Variants in ERCC6 observed in about 807,000 individuals in gnomAD.
ERCC6 encodes DNA excision repair protein ERCC-6.
ERCC6 carries 116 observed loss-of-function variants against 158.7 expected under a neutral mutation model. That is an observed-to-expected ratio of 0.73 (90% confidence interval 0.63 to 0.85). The LOEUF is 0.85. ERCC6 is among the 40% of genes least tolerant of loss of function. The probability of loss-of-function intolerance (pLI) is 0.00; values close to 1 mark genes in which losing one functional copy is unlikely to be tolerated. For synonymous variants in ERCC6, 678 were observed against 659.3 expected (o/e 1.03, Z -0.43); for missense variants, 1,698 against 1,799.4 (o/e 0.94, Z 1.02).
At chr10:49,483,859 T>C (rs893351005) in intron 8 of ERCC6, among the ~76,000 whole-genome samples, 16 of 152,038 alleles carry the variant, frequency 1.1e-4, no homozygotes, top group African/African-American at 3.1e-4. Context: ...TATATTAATT[T>C]AAAACAAAAG....
chr10:49,470,774 A>G lies in ERCC6; in HGVS notation c.3186T>C (p.Ser1062=), dbSNP rs35365613. The G allele has an allele frequency of 5.6e-4, 900 of 1,614,176 alleles. 7 individuals are homozygous for G. In the East Asian group the frequency reaches 0.014, roughly 26 times the overall value. Residue 1062 remains serine, a synonymous_variant, in exon 18 of 21, where the codon TCT becomes TCC. Coordinates refer to ENST00000355832, the MANE Select transcript of ERCC6 (RefSeq NM_000124.4). ...KRKKFPASNI[S]VNDATSSEEK... is the part of the protein sequence containing the mutation. ...CTTCAGATGATGTGGCATCATTTAC[A>G]GATATGTTAGAAGCAGGGAACTTCT...
intron 8 of ERCC6, among the ~76,000 whole-genome samples, chr10:49,488,909 G>C (rs1384422655): frequency 6.6e-6 from 1 of 151,838 alleles, no homozygotes; most frequent in African/African-American, 2.4e-5. Flanking sequence ...TCAGCCTCCC[G>C]AGTAGCTGGG....
At chr10:49,473,949 T>C in intron 13 of ERCC6, 78 bp downstream of exon 13, 2 of 1,291,794 alleles carry the variant, frequency 1.5e-6, no homozygotes, top group East Asian at 2.3e-5. Flanking sequence ...ATCATTACTT[T>C]AGATTGAATC....
intron 8 of ERCC6, 38 bp from the exon 9 acceptor site, chr10:49,483,554 A>G (rs1266540306): frequency 6.3e-7 from 1 of 1,587,064 alleles, no homozygotes; most frequent in Non-Finnish European, 8.6e-7. Flanking sequence ...AGTTTTAAAT[A>G]AGAAGTGACA....
intron 5 of ERCC6, among the ~76,000 whole-genome samples, chr10:49,522,403 T>A (rs1198703526): frequency 6.6e-6 from 1 of 152,236 alleles, no homozygotes; most frequent in African/African-American, 2.4e-5. Context: ...CCTTAATAAC[T>A]GTAGCTATAA....
In ERCC6 at chr10:49,474,145, A is replaced by G. The variant is rs777400318; in HGVS notation, c.2480T>C (p.Leu827Pro). 1.9e-6 allele frequency: 3 copies of G among 1,614,118 alleles called. No homozygotes were observed. The highest frequency in any genetic ancestry group is 2.2e-5 in the South Asian group (2 of 91,076). ...KNLKGLPDDELEEDQFGYWKR... is the reference protein window; with the variant it reads ...KNLKGLPDDEPEEDQFGYWKR... ...CCAGTACCCAAACTGATCTTCTTCT[A>G]GTTCATCATCAGGAAGACCTTTGAG... Residue 827 changes from leucine (L) to proline (P), a missense_variant, in exon 13 of 21, where the codon CTA becomes CCA. Physicochemically the swap from Leu to Pro is moderately conservative, Grantham distance 98. Transcript: ENST00000355832.
At chr10:49,510,252 G>GC (rs1851510834) in intron 5 of ERCC6, among the ~76,000 whole-genome samples, 1 of 152,092 alleles carries the variant, frequency 6.6e-6, no homozygotes, top group South Asian at 2.1e-4. Context: ...GCTAGTTGCT[G>GC]CCATTTAAAG....
chr10:49,511,173 T>C (rs984998521), intron 5 of ERCC6, among the ~76,000 whole-genome samples: 1 of 152,142 alleles, frequency 6.6e-6, no homozygotes, highest in Non-Finnish European at 1.5e-5. Flanking sequence ...CGCCAGCTGA[T>C]GGAAAGAACC....
chr10:49,505,459 A>T (rs967978076), intron 6 of ERCC6: 1 of 166,378 alleles, frequency 6.0e-6, no homozygotes, highest in Non-Finnish European at 1.3e-5. Context: ...ACTCAAAAAA[A>T]ATGTCAAAAG....
intron 5 of ERCC6, among the ~76,000 whole-genome samples, chr10:49,514,286 C>T (rs565522767): frequency 6.6e-6 from 1 of 152,130 alleles, no homozygotes; most frequent in Non-Finnish European, 1.5e-5. Flanking sequence ...ACAGTAAAAT[C>T]AGTTTAGCAG....
intron 4 of ERCC6, 41 bp from the exon 5 acceptor site, chr10:49,524,818 C>CT (rs1837273676): frequency 6.3e-7 from 1 of 1,597,698 alleles, no homozygotes; most frequent in Non-Finnish European, 8.5e-7. Flanking sequence ...TAGCATGAAA[C>CT]TTTCCGAGGG....
intron 12 of ERCC6, among the ~76,000 whole-genome samples, chr10:49,474,749 A>C (rs1169216387): frequency 1.3e-5 from 2 of 152,192 alleles, no homozygotes; most frequent in Non-Finnish European, 2.9e-5. Flanking sequence ...TTATTATATC[A>C]GAAAAAAAAC....
chr10:49,441,868 C>T, the ERCC6 span, among the ~76,000 whole-genome samples: 1 of 152,204 alleles, frequency 6.6e-6, no homozygotes, highest in Non-Finnish European at 1.5e-5. Context: ...GCAGCATATG[C>T]AAGAACCAGA....
At chr10:49,435,769 C>T in the ERCC6 span, among the ~76,000 whole-genome samples, 63,417 of 151,572 alleles carry the variant, frequency 0.42, 14,261 homozygotes, top group Non-Finnish European at 0.5. Flanking sequence ...GAGGCTGAGG[C>T]GGGTGGATCA....
the ERCC6 span, among the ~76,000 whole-genome samples, chr10:49,445,265 A>C: frequency 6.6e-6 from 1 of 152,234 alleles, no homozygotes; most frequent in African/African-American, 2.4e-5. Flanking sequence ...TTCCTCATTT[A>C]AGTTAGGAAA....
In ERCC6 at chr10:49,454,890, T is replaced by C. The variant is rs981190765; in HGVS notation, c.*3925A>G. Among the ~76,000 whole-genome samples the C allele has an allele frequency of 2.6e-5, 4 of 152,194 alleles. No individual in the cohort carries two copies. Among genetic ancestry groups the C allele is most frequent in the Non-Finnish European group, 5.9e-5 (4 of 68,040 alleles). The stretch of plus-strand genomic sequence containing the variant: ...AGCCAAGAAACATTTCCGTACATTA[T>C]ATGTAAATTGGTAAAGGTGGCCTTA... On this transcript the variant is annotated 3_prime_UTR_variant, in exon 21 of 21. Coordinates refer to ENST00000355832, the MANE Select transcript of ERCC6 (RefSeq NM_000124.4).
At chr10:49,488,801 T>C (rs572373000) in intron 8 of ERCC6, among the ~76,000 whole-genome samples, 15 of 152,302 alleles carry the variant, frequency 9.8e-5, no homozygotes, top group Admixed American at 5.9e-4. Flanking sequence ...TTTTTCTTTT[T>C]GAGACAGAGT....
At position 49,457,714 on chromosome 10, in the gene ERCC6, G is replaced by A. The variant is rs1483452984; in HGVS notation, c.*1101C>T. ...AAATTTCAGGAATACGATGAATTTCGGAAAACAACACTTCAAAGATGAGAT... is the reference window on the plus strand; with the variant it reads ...AAATTTCAGGAATACGATGAATTTCAGAAAACAACACTTCAAAGATGAGAT... On this transcript the variant is annotated 3_prime_UTR_variant, in exon 21 of 21. Transcript: ENST00000355832. 2 of 152,090 alleles carry A rather than the reference G, an allele frequency of 1.3e-5. No individual in the cohort carries two copies. Among genetic ancestry groups the A allele is most frequent in the East Asian group, 1.9e-4 (1 of 5,196 alleles). 9.4% of individuals were successfully genotyped at this position (152,090 alleles called of 1,614,324 possible).
In ERCC6 at chr10:49,457,798, T is replaced by A. The variant is rs558181760; in HGVS notation, c.*1017A>T. On this transcript the variant is annotated 3_prime_UTR_variant, in exon 21 of 21. Coordinates refer to ENST00000355832, the MANE Select transcript of ERCC6 (RefSeq NM_000124.4). ...CATGGGTAAGAAAATAAACTGAGGA[T>A]CAAAGCAACACCATCACAGAACCAC... The A allele has an allele frequency of 6.6e-6, 1 of 152,160 alleles. No homozygotes were observed. The highest frequency in any genetic ancestry group is 1.9e-4 in the East Asian group (1 of 5,178). 9.4% of individuals were successfully genotyped at this position (152,160 alleles called of 1,614,324 possible). A position where few individuals can be genotyped will look rare whatever the true frequency, so the allele number is the denominator to read the frequency against.
Sources: gnomAD v4.1 joint callset for allele counts (sites outside exome capture counted in the v4.1 genomes callset) on GRCh38, gnomAD v4.1.1 for gene constraint, MANE v1.5 for transcripts, NCBI Gene and HGNC (gene_info 2026-07-23, HGNC 2026-07-21) for gene names.